Variants in ATRN observed in about 807,000 individuals in gnomAD.
The protein encoded by ATRN is attractin-2.
ATRN carries 54 observed loss-of-function variants against 178.7 expected under a neutral mutation model. The observed-to-expected ratio is 0.30, with a 90% CI of 0.24 to 0.38. The LOEUF is 0.38. Among genes scored for constraint, ATRN ranks in the 10% least tolerant of loss-of-function variants. The pLI is 1.00. For synonymous variants in ATRN, 636 were observed against 663.0 expected (o/e 0.96, Z 0.63); for missense variants, 1,443 against 1,815.1 (o/e 0.79, Z 3.73).
rs1307722255 is a variant in ATRN at position 3,630,964 on chromosome 20, T to TTTTTTTTTG, written c.3864-3347_3864-3346insTTTTTTTTG. On this transcript the variant is annotated intron_variant, in intron 25 of 28. Coordinates refer to ENST00000262919, the MANE Select transcript of ATRN (RefSeq NM_139321.3). ...TTTTTTTTTTTTTTTTTTTTTTTTTTGGGATAGGGTCTCTGTTGCCCAGGC... is the reference window on the plus strand; with the variant it reads ...TTTTTTTTTTTTTTTTTTTTTTTTTTTTTTTTTTGGGGATAGGGTCTCTGTTGCCCAGGC... 4.1e-4 allele frequency among the ~76,000 whole-genome samples: 30 copies of TTTTTTTTTG among 73,474 alleles called. 4 individuals carry two copies. Among genetic ancestry groups the TTTTTTTTTG allele is most frequent in the Non-Finnish European group, 6.3e-4 (25 of 39,830 alleles). 48.2% of individuals were successfully genotyped at this position (73,474 alleles called of 152,430 possible).
chr20:3,569,375 A>G (rs1052710392), intron 11 of ATRN, among the ~76,000 whole-genome samples: 10 of 152,294 alleles, frequency 6.6e-5, no homozygotes, highest in African/African-American at 1.9e-4. Context: ...TTGTAATGCA[A>G]TGTAAGTATT....
At chr20:3,530,129 A>G (rs935071145) in intron 1 of ATRN, among the ~76,000 whole-genome samples, 1 of 151,142 alleles carries the variant, frequency 6.6e-6, no homozygotes, top group African/African-American at 2.4e-5. Context: ...ATGAAAATCC[A>G]ATAGCCATAA....
At chr20:3,512,105 A>ATTTTTTTT (rs1379656862) in intron 1 of ATRN, among the ~76,000 whole-genome samples, 3 of 113,398 alleles carry the variant, frequency 2.6e-5, no homozygotes, top group South Asian at 2.6e-4. Context: ...ATATATATAT[A>ATTTTTTTT]TATTTTTTTT....
intron 1 of ATRN, among the ~76,000 whole-genome samples, chr20:3,508,792 G>C (rs553361559): frequency 2.8e-4 from 42 of 152,192 alleles, no homozygotes; most frequent in African/African-American, 9.9e-4. Flanking sequence ...ATATAGAATT[G>C]AAATATACAC....
rs758417733 is a variant in ATRN at position 3,575,784 on chromosome 20, A to C, written c.2093-43A>C. Reference sequence around the variant, plus strand: ...TTAACTTCGGTCTCAGATTTTGCTCAATTGAAGTTGTCCCAGTTCATGAGA... The same window carrying C: ...TTAACTTCGGTCTCAGATTTTGCTCCATTGAAGTTGTCCCAGTTCATGAGA... On this transcript the variant is annotated intron_variant, in intron 12 of 28. Transcript: ENST00000262919. 3.2e-6 allele frequency: 5 copies of C among 1,561,970 alleles called. No individual in the cohort carries two copies. The South Asian group carries it at 6.1e-5, about 19-fold the overall frequency.
chr20:3,542,742 T>TC (rs1377822166), intron 3 of ATRN, among the ~76,000 whole-genome samples: 2 of 150,286 alleles, frequency 1.3e-5, no homozygotes, highest in Admixed American at 1.3e-4. Flanking sequence ...TGCTCCCACC[T>TC]CAGCCTCCCC....
chr20:3,547,852 G>T (rs899708524), intron 5 of ATRN, among the ~76,000 whole-genome samples: 1 of 150,592 alleles, frequency 6.6e-6, no homozygotes, highest in South Asian at 2.1e-4. Context: ...ATTGGTGTCA[G>T]TTATACATTA....
chr20:3,523,834 G>A (rs2085328013), intron 1 of ATRN, among the ~76,000 whole-genome samples: 1 of 152,128 alleles, frequency 6.6e-6, no homozygotes, highest in South Asian at 2.1e-4. Flanking sequence ...ATAAGTGAAG[G>A]AGAAATAAAA....
At chr20:3,559,872 C>T (rs1028952408) in intron 7 of ATRN, among the ~76,000 whole-genome samples, 2 of 152,020 alleles carry the variant, frequency 1.3e-5, no homozygotes, top group Admixed American at 6.6e-5. Context: ...TTTTCCAAGT[C>T]CTTTTATACT....
intron 18 of ATRN, among the ~76,000 whole-genome samples, chr20:3,589,920 G>A (rs905249582): frequency 1.3e-5 from 2 of 152,174 alleles, no homozygotes; most frequent in Non-Finnish European, 2.9e-5. Flanking sequence ...CTGGCACATT[G>A]CCTTGAGTTT....
chr20:3,471,662 T>A, intron 1 of ATRN, 145 bp downstream of exon 1: 1 of 1,124,658 alleles, frequency 8.9e-7, no homozygotes, highest in Non-Finnish European at 1.2e-6. Context: ...GCCATTTGCT[T>A]CCGGGGAGAT....
chr20:3,500,366 G>A (rs1191571432), intron 1 of ATRN, among the ~76,000 whole-genome samples: 2 of 152,048 alleles, frequency 1.3e-5, no homozygotes, highest in Admixed American at 1.3e-4. Flanking sequence ...AAATCATGCT[G>A]CTATAAAGAC....
intron 1 of ATRN, among the ~76,000 whole-genome samples, chr20:3,505,535 A>G (rs1232532401): frequency 6.6e-6 from 1 of 152,326 alleles, no homozygotes; most frequent in South Asian, 2.1e-4. Flanking sequence ...TTTTCTGGAG[A>G]ACCCTAATAT....
At chr20:3,612,421 C>G (rs981640883) in intron 24 of ATRN, among the ~76,000 whole-genome samples, 24 of 152,160 alleles carry the variant, frequency 1.6e-4, no homozygotes, top group African/African-American at 4.8e-4. Context: ...TTTAAAGGAG[C>G]TTATCTGATT....
chr20:3,509,449 T>C (rs1031523149), intron 1 of ATRN, among the ~76,000 whole-genome samples: 1 of 151,992 alleles, frequency 6.6e-6, no homozygotes, highest in Admixed American at 6.6e-5. Context: ...CCTAATAATG[T>C]AACCTTATGT....
In ATRN at chr20:3,471,370, CGGCGGT is replaced by C. The variant is rs1568672939; in HGVS notation, c.265_270del (p.Ala89_Val90del). ...GAGGCCGAGGCCGCGGCGGCGGCGG[CGGCGGT>C]GTCGGGCTCAGCCGCAGCCGAGGCC... On this transcript the variant is annotated inframe_deletion, in exon 1 of 29. Transcript: ENST00000262919. 2.7e-6 allele frequency: 4 copies of C among 1,481,712 alleles called. No individual in the cohort carries two copies. Among genetic ancestry groups the C allele is most frequent in the Non-Finnish European group, 3.6e-6 (4 of 1,125,720 alleles). 91.8% of individuals were successfully genotyped at this position (1,481,712 alleles called of 1,614,324 possible).
intron 13 of ATRN, 34 bp downstream of exon 13, chr20:3,575,982 TC>T: frequency 6.2e-7 from 1 of 1,607,578 alleles, no homozygotes; most frequent in Non-Finnish European, 8.5e-7. Context: ...TTCAGAAAAA[TC>T]CCAATTTGTC....
chr20:3,605,103 GT>G (rs1471943054), intron 24 of ATRN, among the ~76,000 whole-genome samples: 3 of 152,132 alleles, frequency 2.0e-5, no homozygotes, highest in Non-Finnish European at 4.4e-5. Context: ...GTTTGCCAAT[GT>G]TCAGAAGCAT....
chr20:3,502,302 G>T (rs1215908487), intron 1 of ATRN, among the ~76,000 whole-genome samples: 2 of 152,064 alleles, frequency 1.3e-5, no homozygotes, highest in Admixed American at 1.3e-4. Context: ...CAGTTTTCCT[G>T]CTCTTCCCTG....
Sources: allele counts gnomAD v4.1 joint callset (sites outside exome capture counted in the v4.1 genomes callset), GRCh38; gene constraint gnomAD v4.1.1; transcripts MANE v1.5; gene names NCBI Gene and HGNC (gene_info 2026-07-23, HGNC 2026-07-21).